MNAT1: variants seen among roughly 807,000 people sequenced by gnomAD.
MNAT1 encodes the protein CDK-activating kinase assembly factor MAT1.
In MNAT1, 43 loss-of-function variants were observed where a neutral mutation model predicts 42.0. That is an observed-to-expected ratio of 1.02 (90% CI 0.80 to 1.32). The LOEUF (loss-of-function observed/expected upper bound fraction) is 1.32. MNAT1 is among the 40% of genes most tolerant of loss of function. MNAT1 has a pLI of 0.00. For synonymous variants in MNAT1, 118 were observed against 120.0 expected (o/e 0.98, Z 0.11); for missense variants, 306 against 350.4 (o/e 0.87, Z 1.01).
intron 1 of MNAT1, among the ~76,000 whole-genome samples, chr14:60,755,987 T>C (rs572131908): frequency 6.6e-6 from 1 of 152,312 alleles, no homozygotes; most frequent in African/African-American, 2.4e-5. Context: ...TTGCTGAACA[T>C]ATATAAGTGA....
rs973005564 is a variant in MNAT1 at position 60,797,608 on chromosome 14, C to T, written c.243-479C>T. Among the ~76,000 whole-genome samples the T allele has an allele frequency of 2.6e-5, 4 of 152,014 alleles. No homozygotes were observed. In the East Asian group the frequency reaches 7.7e-4, roughly 29 times the overall value. On this transcript the variant is annotated intron_variant, in intron 2 of 7. Coordinates refer to ENST00000261245, the MANE Select transcript of MNAT1 (RefSeq NM_002431.4). Reference sequence around the variant, plus strand: ...AGAATTTAAGAATTGCATTTTTGGTCTGGTTACAAACCTGGTGTCAAGAAA... The same window carrying T: ...AGAATTTAAGAATTGCATTTTTGGTTTGGTTACAAACCTGGTGTCAAGAAA...
intron 7 of MNAT1, among the ~76,000 whole-genome samples, chr14:60,887,898 G>A (rs1446378533): frequency 6.6e-6 from 1 of 151,442 alleles, no homozygotes; most frequent in Non-Finnish European, 1.5e-5. Context: ...ACTAAACCAG[G>A]AAGAAGTTGA....
intron 6 of MNAT1, among the ~76,000 whole-genome samples, chr14:60,850,533 G>T (rs1295677254): frequency 6.6e-6 from 1 of 152,194 alleles, no homozygotes; most frequent in East Asian, 1.9e-4. Flanking sequence ...TGAGATAGGT[G>T]TTGGGTTTTA....
intron 5 of MNAT1, among the ~76,000 whole-genome samples, chr14:60,816,409 T>A (rs1394620336): frequency 5.9e-5 from 9 of 152,148 alleles, no homozygotes; most frequent in Admixed American, 1.3e-4. Flanking sequence ...CTTCAGTTTA[T>A]GTCTTAAATT....
chr14:60,796,413 T>C, intron 2 of MNAT1, 44 bp downstream of exon 2: 2 of 1,556,740 alleles, frequency 1.3e-6, no homozygotes, highest in Non-Finnish European at 8.8e-7. Flanking sequence ...AAGAGGACTT[T>C]AACAATTATG....
intron 7 of MNAT1, among the ~76,000 whole-genome samples, chr14:60,965,046 C>G (rs1433591753): frequency 6.6e-6 from 1 of 152,112 alleles, no homozygotes; most frequent in Non-Finnish European, 1.5e-5. Context: ...TTCACAGTAA[C>G]AGTTTTGTGC....
At chr14:60,816,874 A>G (rs1413424758) in intron 5 of MNAT1, among the ~76,000 whole-genome samples, 1 of 152,004 alleles carries the variant, frequency 6.6e-6, no homozygotes, top group Non-Finnish European at 1.5e-5. Flanking sequence ...AGTGTTTTAG[A>G]TCCTTAGAAT....
chr14:60,830,481 A>G (rs117471269), intron 6 of MNAT1, among the ~76,000 whole-genome samples: 38 of 152,272 alleles, frequency 2.5e-4, no homozygotes, highest in Admixed American at 6.5e-4. Context: ...TTTTAGAGCT[A>G]TGATTCAGTA....
At chr14:60,923,084 G>A (rs1189200139) in intron 7 of MNAT1, among the ~76,000 whole-genome samples, 1 of 152,140 alleles carries the variant, frequency 6.6e-6, no homozygotes, top group Non-Finnish European at 1.5e-5. Context: ...ATAAAATTGA[G>A]CATTTGTTCA....
intron 1 of MNAT1, among the ~76,000 whole-genome samples, chr14:60,764,478 G>T (rs113061589): frequency 3.9e-5 from 6 of 152,330 alleles, no homozygotes; most frequent in Admixed American, 3.9e-4. Context: ...GGCTATTTGG[G>T]TTGGAACCCA....
chr14:60,909,362 C>G (rs2035291265), intron 7 of MNAT1, among the ~76,000 whole-genome samples: 1 of 151,964 alleles, frequency 6.6e-6, no homozygotes, highest in Non-Finnish European at 1.5e-5. Context: ...CTTTTGTTGC[C>G]ATTTTTTTTG....
intron 1 of MNAT1, among the ~76,000 whole-genome samples, chr14:60,738,931 T>C (rs1220219578): frequency 1.3e-5 from 2 of 152,200 alleles, no homozygotes; most frequent in African/African-American, 2.4e-5. Flanking sequence ...ATAATATGCT[T>C]GTTAGTCTGA....
At chr14:60,776,576 G>A (rs897381025) in intron 1 of MNAT1, among the ~76,000 whole-genome samples, 1 of 152,132 alleles carries the variant, frequency 6.6e-6, no homozygotes, top group African/African-American at 2.4e-5. Flanking sequence ...GTCCTGGGGG[G>A]GGAGGAGCAG....
At chr14:60,857,177 C>G (rs910577070) in intron 6 of MNAT1, among the ~76,000 whole-genome samples, 29 of 152,344 alleles carry the variant, frequency 1.9e-4, no homozygotes, top group African/African-American at 4.8e-4. Flanking sequence ...ATTGACAATG[C>G]ATCTGATCAC....
intron 7 of MNAT1, among the ~76,000 whole-genome samples, chr14:60,924,726 T>C (rs893036027): frequency 1.3e-5 from 2 of 152,034 alleles, no homozygotes; most frequent in Non-Finnish European, 2.9e-5. Flanking sequence ...GTGTCCAACA[T>C]TGGGGATGTT....
intron 7 of MNAT1, among the ~76,000 whole-genome samples, chr14:60,909,610 G>A (rs1346070937): frequency 2.0e-5 from 3 of 152,082 alleles, no homozygotes; most frequent in South Asian, 4.2e-4. Flanking sequence ...TTTTTCTCAG[G>A]TTTGTCAAAG....
At chr14:60,820,300 G>C (rs1440716058) in intron 6 of MNAT1, among the ~76,000 whole-genome samples, 1 of 152,000 alleles carries the variant, frequency 6.6e-6, no homozygotes. Flanking sequence ...CATTATCAAA[G>C]TATATTTTAA....
chr14:60,942,002 T>TAA, intron 7 of MNAT1, among the ~76,000 whole-genome samples: 1 of 1,838 alleles, frequency 5.4e-4, no homozygotes, highest in Non-Finnish European at 2.1e-3. Flanking sequence ...AGGCTCCATC[T>TAA]CAAAAAAAAA....
At chr14:60,800,572 A>G (rs2032170741) in intron 3 of MNAT1, among the ~76,000 whole-genome samples, 1 of 152,174 alleles carries the variant, frequency 6.6e-6, no homozygotes, top group African/African-American at 2.4e-5. Context: ...GAAACTGAAC[A>G]ATATAGATGA....
Sources: allele counts gnomAD v4.1 joint callset (sites outside exome capture counted in the v4.1 genomes callset), GRCh38; gene constraint gnomAD v4.1.1; transcripts MANE v1.5; gene names NCBI Gene and HGNC (gene_info 2026-07-23, HGNC 2026-07-21).